Variants in FIGN observed in about 807,000 individuals in gnomAD.
FIGN encodes fidgetin.
A neutral mutation model predicts 51.3 loss-of-function variants in FIGN; 11 were observed. The ratio of observed to expected loss-of-function variants is 0.21; its 90% confidence interval spans 0.13 to 0.35. The LOEUF is 0.35. Ranked by LOEUF, FIGN falls within the 10% of genes least tolerant of loss-of-function variation. The pLI is 1.00. For synonymous variants in FIGN, 407 were observed against 363.2 expected (o/e 1.12, Z -1.37); for missense variants, 857 against 943.6 (o/e 0.91, Z 1.20).
At chr2:163,612,749 CAT>C (rs10592741) in intron 2 of FIGN, among the ~76,000 whole-genome samples, 60,751 of 138,930 alleles carry the variant, frequency 0.44, 13,820 homozygotes, top group African/African-American at 0.58. Context: ...TATACATCTT[CAT>C]ATATATATAT....
intron 2 of FIGN, among the ~76,000 whole-genome samples, chr2:163,657,658 C>T (rs1683583812): frequency 6.6e-6 from 1 of 152,096 alleles, no homozygotes. Flanking sequence ...GCAACGAGTT[C>T]TTCCACTTGG....
At chr2:163,658,167 T>C (rs1458574836) in intron 2 of FIGN, among the ~76,000 whole-genome samples, 4 of 152,142 alleles carry the variant, frequency 2.6e-5, no homozygotes, top group Non-Finnish European at 5.9e-5. Flanking sequence ...ACATTGCTAG[T>C]GGTAGGCAAG....
chr2:163,709,497 A>G (rs1393937845), intron 2 of FIGN, among the ~76,000 whole-genome samples: 1 of 152,186 alleles, frequency 6.6e-6, no homozygotes, highest in East Asian at 1.9e-4. Flanking sequence ...AGCAGACCTT[A>G]GTTTCAGTAT....
chr2:163,697,536 T>A lies in FIGN; in HGVS notation c.25+37367A>T, dbSNP rs867199901. Among the ~76,000 whole-genome samples the A allele has an allele frequency of 5.9e-5, 9 of 152,134 alleles. 1 individual carries two copies. The Middle Eastern group carries it at 9.5e-3, about 160-fold the overall frequency. On this transcript the variant is annotated intron_variant, in intron 2 of 2. Coordinates refer to ENST00000333129, the MANE Select transcript of FIGN (RefSeq NM_018086.4). Reference sequence around the variant, plus strand: ...GGTGTGCTGCCTCCTTCCTAAAACATAAACACCCAAACACTCCTCTTCAAC... The same window carrying A: ...GGTGTGCTGCCTCCTTCCTAAAACAAAAACACCCAAACACTCCTCTTCAAC...
intron 2 of FIGN, among the ~76,000 whole-genome samples, chr2:163,645,379 C>A (rs1342016642): frequency 6.6e-6 from 1 of 152,182 alleles, no homozygotes; most frequent in East Asian, 1.9e-4. Flanking sequence ...GGGGGAAAAA[C>A]CTCTATTTGA....
At chr2:163,662,888 T>C (rs1387013436) in intron 2 of FIGN, among the ~76,000 whole-genome samples, 4 of 152,222 alleles carry the variant, frequency 2.6e-5, no homozygotes, top group Non-Finnish European at 4.4e-5. Context: ...CTGCTTTTGC[T>C]TCTTCCTCAT....
At chr2:163,684,080 A>G (rs1684107886) in intron 2 of FIGN, among the ~76,000 whole-genome samples, 1 of 152,162 alleles carries the variant, frequency 6.6e-6, no homozygotes, top group African/African-American at 2.4e-5. Flanking sequence ...TTTTAAGTTT[A>G]TGTGTAAATG....
chr2:163,719,658 A>G (rs1684723577), intron 2 of FIGN, among the ~76,000 whole-genome samples: 3 of 152,138 alleles, frequency 2.0e-5, no homozygotes, highest in African/African-American at 4.8e-5. Flanking sequence ...AGTTTCTAGT[A>G]AGAAGAAGAA....
At chr2:163,627,905 C>T (rs1392074380) in intron 2 of FIGN, among the ~76,000 whole-genome samples, 1 of 152,154 alleles carries the variant, frequency 6.6e-6, no homozygotes, top group African/African-American at 2.4e-5. Context: ...TTCCCTTCTT[C>T]TCTTCCCTGC....
intron 2 of FIGN, among the ~76,000 whole-genome samples, chr2:163,681,556 AAAGTGACTCCTT>A (rs151298686): frequency 0.046 from 6,998 of 152,222 alleles, 389 homozygotes; most frequent in Admixed American, 0.16. Flanking sequence ...TAAAAAGATA[AAAGTGACTCCTT>A]AAGACAGAAA....
Position 163,620,218 on chromosome 2 carries a change from A to G in FIGN, c.26-8412T>C, listed in dbSNP as rs1189980128. 2.0e-5 allele frequency among the ~76,000 whole-genome samples: 3 copies of G among 152,316 alleles called. No homozygotes were observed. The South Asian group carries it at 6.2e-4, about 32-fold the overall frequency. On this transcript the variant is annotated intron_variant, in intron 2 of 2. Transcript: ENST00000333129. ...TGTGAATTTTAGACAATTTATAATC[A>G]GTTTAAATAGCACTTTGTAGTTAAC... is the stretch of plus-strand genomic sequence containing the variant.
intron 2 of FIGN, among the ~76,000 whole-genome samples, chr2:163,688,201 T>C (rs977284166): frequency 1.3e-5 from 2 of 152,164 alleles, no homozygotes; most frequent in Non-Finnish European, 2.9e-5. Flanking sequence ...AGATACTCTG[T>C]GTAAAAGAGC....
At chr2:163,657,249 A>C (rs1683576336) in intron 2 of FIGN, among the ~76,000 whole-genome samples, 1 of 152,168 alleles carries the variant, frequency 6.6e-6, no homozygotes, top group Admixed American at 6.5e-5. Context: ...AAGTCCCCAC[A>C]GATTTTTGTT....
At chr2:163,690,813 T>G (rs1221446543) in intron 2 of FIGN, among the ~76,000 whole-genome samples, 1 of 146,038 alleles carries the variant, frequency 6.8e-6, no homozygotes, top group Non-Finnish European at 1.5e-5. Context: ...AAAAATGTAA[T>G]TTTGTAATTT....
intron 2 of FIGN, among the ~76,000 whole-genome samples, chr2:163,686,931 T>C (rs1684160409): frequency 6.6e-6 from 1 of 151,990 alleles, no homozygotes; most frequent in African/African-American, 2.4e-5. Context: ...TATGTATTTG[T>C]AAAGAGTGTT....
At chr2:163,624,708 A>ATATATATTT (rs564288395) in intron 2 of FIGN, among the ~76,000 whole-genome samples, 2 of 145,494 alleles carry the variant, frequency 1.4e-5, no homozygotes, top group African/African-American at 5.1e-5. Flanking sequence ...ATATATATAT[A>ATATATATTT]TTTTTTTTTT....
At chr2:163,679,612 T>C (rs1417191143) in intron 2 of FIGN, among the ~76,000 whole-genome samples, 4 of 152,214 alleles carry the variant, frequency 2.6e-5, no homozygotes, top group Non-Finnish European at 5.9e-5. Flanking sequence ...CTTCTTTCTA[T>C]AATAGTTGGA....
chr2:163,681,251 T>C (rs961230990), intron 2 of FIGN, among the ~76,000 whole-genome samples: 4 of 152,120 alleles, frequency 2.6e-5, no homozygotes, highest in Non-Finnish European at 5.9e-5. Context: ...CAAATAATAC[T>C]AAGGATTTGA....
intron 2 of FIGN, among the ~76,000 whole-genome samples, chr2:163,618,750 TG>T (rs1682919473): frequency 6.6e-6 from 1 of 152,138 alleles, no homozygotes; most frequent in South Asian, 2.1e-4. Flanking sequence ...CACTTTGTCA[TG>T]GTGCTCCTAC....
Sources: gnomAD v4.1 joint callset for allele counts (sites outside exome capture counted in the v4.1 genomes callset) on GRCh38, gnomAD v4.1.1 for gene constraint, MANE v1.5 for transcripts, NCBI Gene and HGNC (gene_info 2026-07-23, HGNC 2026-07-21) for gene names.